DIPK1A: variants seen among roughly 807,000 people sequenced by gnomAD.
DIPK1A encodes family with sequence similarity 69 member A.
Under a neutral mutation model 40.8 loss-of-function variants are expected in DIPK1A, and 27 were observed. The observed-to-expected ratio is 0.66, with a 90% CI of 0.49 to 0.91. The LOEUF (loss-of-function observed/expected upper bound fraction) is 0.91, where lower values mean the gene tolerates loss of function less well. DIPK1A is among the 40% of genes least tolerant of loss of function. The pLI is 0.00. For synonymous variants in DIPK1A, 166 were observed against 171.3 expected (o/e 0.97, Z 0.24); for missense variants, 412 against 505.7 (o/e 0.81, Z 1.78).
intron 1 of DIPK1A, among the ~76,000 whole-genome samples, chr1:92,890,936 C>T (rs1394317355): frequency 6.6e-6 from 1 of 152,028 alleles, no homozygotes; most frequent in Non-Finnish European, 1.5e-5. Flanking sequence ...GCCATTGGGT[C>T]CTGGGCCTTT....
intron 2 of DIPK1A, among the ~76,000 whole-genome samples, chr1:92,869,055 A>G (rs1304940191): frequency 6.6e-6 from 1 of 151,808 alleles, no homozygotes; most frequent in Non-Finnish European, 1.5e-5. Context: ...GATGTTCAAT[A>G]AATATTTAAC....
At chr1:92,836,133 T>C in intron 4 of DIPK1A, 1 of 1,512,200 alleles carries the variant, frequency 6.6e-7, no homozygotes, top group East Asian at 2.3e-5. Flanking sequence ...TAAGCTATTT[T>C]AATTTTAGAG....
intron 1 of DIPK1A, among the ~76,000 whole-genome samples, chr1:92,940,224 A>C (rs1410580451): frequency 1.3e-5 from 2 of 151,940 alleles, no homozygotes; most frequent in East Asian, 3.9e-4. Flanking sequence ...GTCCGACATC[A>C]CTCTGCCCTA....
chr1:92,912,259 G>C (rs772287073), intron 1 of DIPK1A, among the ~76,000 whole-genome samples: 3 of 151,960 alleles, frequency 2.0e-5, no homozygotes, highest in Non-Finnish European at 4.4e-5. Context: ...GACTTGTTAC[G>C]AGAATGTTTA....
At chr1:92,929,956 G>A (rs1650679559) in intron 1 of DIPK1A, among the ~76,000 whole-genome samples, 1 of 152,130 alleles carries the variant, frequency 6.6e-6, no homozygotes, top group African/African-American at 2.4e-5. Flanking sequence ...CAACAAACGT[G>A]GTCCTGGGCT....
chr1:92,923,038 T>A (rs1285410921), intron 1 of DIPK1A, among the ~76,000 whole-genome samples: 5 of 152,336 alleles, frequency 3.3e-5, no homozygotes, highest in African/African-American at 1.2e-4. Context: ...TCAGTTTATA[T>A]CTTCACTGCT....
At position 92,948,359 on chromosome 1, in the gene DIPK1A, T is replaced by A. The variant is rs546338143; in HGVS notation, c.54+13017A>T. Among the ~76,000 whole-genome samples, 91 of 152,252 alleles carry A rather than the reference T, an allele frequency of 6.0e-4. 2 individuals carry two copies. The South Asian group carries it at 0.019, about 31-fold the overall frequency. ...GTGGTGGTGGCAGGAATGGAACATGTATTGAAATATCACATTGTACCCCAT... is the reference window on the plus strand; with the variant it reads ...GTGGTGGTGGCAGGAATGGAACATGAATTGAAATATCACATTGTACCCCAT... On this transcript the variant is annotated intron_variant, in intron 1 of 4. Transcript: ENST00000370310.
intron 1 of DIPK1A, among the ~76,000 whole-genome samples, chr1:92,939,601 A>G (rs540192051): frequency 1.1e-4 from 16 of 152,206 alleles, no homozygotes; most frequent in African/African-American, 2.6e-4. Flanking sequence ...CTTCCACCCA[A>G]TGATACCCCT....
intron 1 of DIPK1A, among the ~76,000 whole-genome samples, chr1:92,881,172 CAAAAAAAA>C (rs71094212): frequency 8.3e-4 from 42 of 50,720 alleles, no homozygotes; most frequent in African/African-American, 1.7e-3. Context: ...GACTCGGTCT[CAAAAAAAA>C]AAAAAAAAAA....
intron 4 of DIPK1A, among the ~76,000 whole-genome samples, chr1:92,844,940 C>CTTTTTTTTTTTTTT (rs71094206): frequency 1.1e-5 from 1 of 94,080 alleles, no homozygotes; most frequent in African/African-American, 4.3e-5. Context: ...ATTAGTATTT[C>CTTTTTTTTTTTTTT]TTTTTTTTTT....
intron 1 of DIPK1A, among the ~76,000 whole-genome samples, chr1:92,901,969 G>A (rs1340701407): frequency 1.3e-5 from 2 of 152,120 alleles, no homozygotes; most frequent in Admixed American, 6.5e-5. Context: ...GGGATGCACA[G>A]CTGCTCAGCT....
chr1:92,837,406 TA>T (rs752598659), downstream of DIPK1A: 22 of 1,501,902 alleles, frequency 1.5e-5, no homozygotes, highest in East Asian at 3.2e-4. Context: ...TTCTTACTAG[TA>T]AACTAAGTTA....
intron 2 of DIPK1A, among the ~76,000 whole-genome samples, chr1:92,862,137 C>T (rs980735400): frequency 6.6e-6 from 1 of 152,072 alleles, no homozygotes; most frequent in African/African-American, 2.4e-5. Context: ...TCTCTGTATA[C>T]CATCATCAGT....
intron 2 of DIPK1A, among the ~76,000 whole-genome samples, chr1:92,869,870 T>A (rs1647747913): frequency 6.6e-6 from 1 of 152,032 alleles, no homozygotes; most frequent in Non-Finnish European, 1.5e-5. Flanking sequence ...GACTCCACAT[T>A]TCAAAACAGT....
rs537411827 is a variant in DIPK1A, at chr1:92,866,064, T to A, written c.189+10232A>T. On this transcript the variant is annotated intron_variant, in intron 2 of 4. Coordinates refer to ENST00000370310, the MANE Select transcript of DIPK1A (RefSeq NM_001006605.5). ...TGGGAATTCTCTGGTCTAGTGTTAA[T>A]CAGATATAAAAAGAAACCTCCAAAA... is the stretch of plus-strand genomic sequence containing the variant. Among the ~76,000 whole-genome samples, 5 of 152,246 alleles carry A rather than the reference T, an allele frequency of 3.3e-5. No homozygotes were observed. The South Asian group carries it at 1.0e-3, about 32-fold the overall frequency.
intron 1 of DIPK1A, among the ~76,000 whole-genome samples, chr1:92,889,242 A>G (rs1003436612): frequency 6.6e-6 from 1 of 152,152 alleles, no homozygotes; most frequent in African/African-American, 2.4e-5. Flanking sequence ...AGTTTTTCCA[A>G]CACTACTTAC....
intron 1 of DIPK1A, among the ~76,000 whole-genome samples, chr1:92,922,174 T>C (rs1650294494): frequency 6.6e-6 from 1 of 151,218 alleles, no homozygotes; most frequent in African/African-American, 2.4e-5. Context: ...TTTTGCTTAG[T>C]TAACAGCATT....
chr1:92,860,209 G>A (rs1688116899), intron 2 of DIPK1A, among the ~76,000 whole-genome samples: 1 of 152,118 alleles, frequency 6.6e-6, no homozygotes, highest in Non-Finnish European at 1.5e-5. Flanking sequence ...TTTACAGTTA[G>A]AGGTTCTCAA....
At chr1:92,871,458 C>T (rs1647856711) in intron 2 of DIPK1A, among the ~76,000 whole-genome samples, 1 of 152,168 alleles carries the variant, frequency 6.6e-6, no homozygotes, top group Admixed American at 6.5e-5. Flanking sequence ...AGACACTGCA[C>T]CCGGCCTCTT....
Sources: allele counts gnomAD v4.1 joint callset (sites outside exome capture counted in the v4.1 genomes callset), GRCh38; gene constraint gnomAD v4.1.1; transcripts MANE v1.5; gene names NCBI Gene and HGNC (gene_info 2026-07-23, HGNC 2026-07-21).